Variants in SGCD observed in about 807,000 individuals in gnomAD.
SGCD encodes delta-sarcoglycan.
SGCD carries 18 observed loss-of-function variants against 36.6 expected under a neutral mutation model. That is an observed-to-expected ratio of 0.49 (90% confidence interval 0.34 to 0.73). The LOEUF (loss-of-function observed/expected upper bound fraction) is 0.73. Among genes scored for constraint, SGCD ranks in the 30% least tolerant of loss-of-function variants. The pLI is 0.01. For synonymous variants in SGCD, 133 were observed against 130.6 expected (o/e 1.02, Z -0.12); for missense variants, 387 against 346.7 (o/e 1.12, Z -0.92).
intron 3 of SGCD, among the ~76,000 whole-genome samples, chr5:156,357,354 T>C (rs1769544573): frequency 6.6e-6 from 1 of 152,202 alleles, no homozygotes; most frequent in African/African-American, 2.4e-5. Flanking sequence ...AACCAAGATA[T>C]GTCTAACTTC....
intron 3 of SGCD, among the ~76,000 whole-genome samples, chr5:156,223,085 G>A (rs1199381542): frequency 6.6e-6 from 1 of 152,122 alleles, no homozygotes; most frequent in Non-Finnish European, 1.5e-5. Flanking sequence ...CTATTTGGAA[G>A]AATGTAAAGG....
At chr5:156,345,333 G>A (rs994850922) in intron 3 of SGCD, among the ~76,000 whole-genome samples, 1 of 151,902 alleles carries the variant, frequency 6.6e-6, no homozygotes, top group Non-Finnish European at 1.5e-5. Flanking sequence ...ATTTACTGTT[G>A]TAGTTCAAAT....
intron 1 of SGCD, among the ~76,000 whole-genome samples, chr5:155,940,437 C>T (rs1757298537): frequency 6.6e-6 from 1 of 152,120 alleles, no homozygotes; most frequent in Non-Finnish European, 1.5e-5. Flanking sequence ...GTTATTTGAC[C>T]AACCTGAGCC....
At chr5:156,193,990 A>G (rs17053320) in intron 3 of SGCD, among the ~76,000 whole-genome samples, 36,884 of 152,176 alleles carry the variant, frequency 0.24, 4,871 homozygotes, top group East Asian at 0.6. Flanking sequence ...GTGATGTCAT[A>G]CATAATAAAG....
At chr5:155,729,442 AAAGAGACAGAG>A in the SGCD span, among the ~76,000 whole-genome samples, 1 of 152,272 alleles carries the variant, frequency 6.6e-6, no homozygotes, top group African/African-American at 2.4e-5. Flanking sequence ...AGAGACAGAG[AAAGAGACAGAG>A]AGACATGGGT....
intron 4 of SGCD, among the ~76,000 whole-genome samples, chr5:156,566,531 G>A (rs1042881435): frequency 1.3e-5 from 2 of 152,088 alleles, no homozygotes; most frequent in African/African-American, 4.8e-5. Context: ...TTTCCCAAAA[G>A]TTAGTCATCT....
chr5:155,829,188 G>C, the SGCD span, among the ~76,000 whole-genome samples: 15 of 151,956 alleles, frequency 9.9e-5, no homozygotes, highest in African/African-American at 3.4e-4. Context: ...CTAGTCCTGG[G>C]GGCAGGATGA....
chr5:156,107,702 T>C (rs796901407), intron 1 of SGCD, among the ~76,000 whole-genome samples: 10 of 152,256 alleles, frequency 6.6e-5, no homozygotes, highest in African/African-American at 2.4e-4. Flanking sequence ...TCATTCCCGC[T>C]CTTACCTTCT....
chr5:156,206,904 T>G (rs190391659), intron 3 of SGCD, among the ~76,000 whole-genome samples: 36 of 152,004 alleles, frequency 2.4e-4, no homozygotes, highest in Non-Finnish European at 4.4e-4. Flanking sequence ...TATTTTTTTT[T>G]CCCCTGCACA....
chr5:156,365,801 A>G (rs542548819), intron 3 of SGCD, among the ~76,000 whole-genome samples: 11 of 152,334 alleles, frequency 7.2e-5, no homozygotes, highest in Admixed American at 2.6e-4. Flanking sequence ...GCATGTATAC[A>G]TAAATACATG....
intron 3 of SGCD, among the ~76,000 whole-genome samples, chr5:156,399,739 T>C (rs911990535): frequency 2.6e-5 from 4 of 152,212 alleles, no homozygotes; most frequent in African/African-American, 9.6e-5. Flanking sequence ...CTGTGTGGAC[T>C]TCACACATAA....
intron 1 of SGCD, among the ~76,000 whole-genome samples, chr5:155,914,680 A>G (rs897669634): frequency 6.6e-6 from 1 of 152,196 alleles, no homozygotes; most frequent in Non-Finnish European, 1.5e-5. Flanking sequence ...GCGTATATTA[A>G]GTCCCTACAA....
At chr5:156,053,556 A>T (rs1387896586) in intron 1 of SGCD, among the ~76,000 whole-genome samples, 2 of 146,130 alleles carry the variant, frequency 1.4e-5, no homozygotes, top group South Asian at 4.3e-4. Flanking sequence ...ACCACAGAAC[A>T]TTAAACTCCA....
intron 3 of SGCD, among the ~76,000 whole-genome samples, chr5:156,504,560 A>G (rs1418078599): frequency 2.0e-5 from 3 of 152,166 alleles, no homozygotes; most frequent in African/African-American, 4.8e-5. Flanking sequence ...GAACTACATC[A>G]TATTCCCTAT....
At chr5:156,495,360 G>A (rs1242079347) in intron 3 of SGCD, among the ~76,000 whole-genome samples, 1 of 152,116 alleles carries the variant, frequency 6.6e-6, no homozygotes, top group African/African-American at 2.4e-5. Flanking sequence ...CTAGTGCCAG[G>A]TGTACGCATA....
At chr5:156,624,002 G>A (rs537415380) in intron 6 of SGCD, among the ~76,000 whole-genome samples, 1 of 152,274 alleles carries the variant, frequency 6.6e-6, no homozygotes, top group East Asian at 1.9e-4. Context: ...GATTGCTGGT[G>A]GAGCAGAGAA....
intron 1 of SGCD, among the ~76,000 whole-genome samples, chr5:155,983,989 C>T (rs1343475869): frequency 6.6e-6 from 1 of 152,212 alleles, no homozygotes. Context: ...TCTTCACTGA[C>T]TTGTTCCAGC....
At chr5:155,819,598 G>T in the SGCD span, among the ~76,000 whole-genome samples, 1 of 152,168 alleles carries the variant, frequency 6.6e-6, no homozygotes, top group Non-Finnish European at 1.5e-5. Flanking sequence ...AGATGAGAAT[G>T]CTGAGGTATA....
At chr5:156,552,865 C>G (rs1758852990) in intron 4 of SGCD, among the ~76,000 whole-genome samples, 1 of 152,168 alleles carries the variant, frequency 6.6e-6, no homozygotes, top group Non-Finnish European at 1.5e-5. Context: ...CCAAATCTAA[C>G]TTCATCTTTA....
Sources: gnomAD v4.1 joint callset for allele counts (sites outside exome capture counted in the v4.1 genomes callset) on GRCh38, gnomAD v4.1.1 for gene constraint, MANE v1.5 for transcripts, NCBI Gene and HGNC (gene_info 2026-07-23, HGNC 2026-07-21) for gene names.